The following FUT8 variants were observed in gnomAD, a reference collection of about 807,000 sequenced individuals.
FUT8 encodes fucosyltransferase 8.
A neutral mutation model predicts 71.3 loss-of-function variants in FUT8; 29 were observed. The observed-to-expected ratio is 0.41, with a 90% CI of 0.30 to 0.55. The LOEUF (loss-of-function observed/expected upper bound fraction) is 0.55. Ranked by LOEUF, FUT8 falls within the 20% of genes least tolerant of loss-of-function variation. The probability of loss-of-function intolerance (pLI) is 0.34; values close to 1 mark genes in which losing one functional copy is unlikely to be tolerated. For synonymous variants in FUT8, 254 were observed against 239.3 expected (o/e 1.06, Z -0.57); for missense variants, 544 against 702.1 (o/e 0.77, Z 2.55).
At chr14:65,562,779 C>T (rs1885984228) in intron 3 of FUT8, among the ~76,000 whole-genome samples, 1 of 152,108 alleles carries the variant, frequency 6.6e-6, no homozygotes, top group Non-Finnish European at 1.5e-5. Flanking sequence ...TCCAATTGTA[C>T]AGAAAGCCTT....
chr14:65,509,014 A>T (rs956451713), intron 2 of FUT8, among the ~76,000 whole-genome samples: 3 of 152,074 alleles, frequency 2.0e-5, no homozygotes, highest in African/African-American at 7.2e-5. Flanking sequence ...GATACCCTGG[A>T]GAGTTTCCCC....
At chr14:65,714,427 A>G (rs924671943) in intron 7 of FUT8, among the ~76,000 whole-genome samples, 3 of 64,810 alleles carry the variant, frequency 4.6e-5, no homozygotes, top group Non-Finnish European at 1.2e-4. Flanking sequence ...AATTTTATTT[A>G]TTTATTTATT....
chr14:65,713,972 A>G (rs918742996), intron 7 of FUT8, among the ~76,000 whole-genome samples: 2 of 152,072 alleles, frequency 1.3e-5, no homozygotes, highest in East Asian at 1.9e-4. Flanking sequence ...AGCTTCCCCA[A>G]TGTTTTCTCT....
At chr14:65,419,269 A>G (rs1181324349) in intron 1 of FUT8, among the ~76,000 whole-genome samples, 1 of 152,204 alleles carries the variant, frequency 6.6e-6, no homozygotes, top group Non-Finnish European at 1.5e-5. Flanking sequence ...TCAAAAAACA[A>G]AACAAAACAA....
At chr14:65,709,081 A>C (rs1894693670) in intron 7 of FUT8, among the ~76,000 whole-genome samples, 1 of 152,246 alleles carries the variant, frequency 6.6e-6, no homozygotes, top group Non-Finnish European at 1.5e-5. Context: ...TCTACAACGT[A>C]TATAAATATC....
chr14:65,628,052 C>G (rs1269886388), intron 5 of FUT8, among the ~76,000 whole-genome samples: 1 of 152,000 alleles, frequency 6.6e-6, no homozygotes, highest in Admixed American at 6.6e-5. Flanking sequence ...TCTGGGAAAA[C>G]CTTATGAAGA....
At chr14:65,588,399 C>G (rs1205638271) in intron 3 of FUT8, among the ~76,000 whole-genome samples, 1 of 152,190 alleles carries the variant, frequency 6.6e-6, no homozygotes, top group Non-Finnish European at 1.5e-5. Context: ...TTTATCTCTT[C>G]TTGCTATGGT....
intron 7 of FUT8, among the ~76,000 whole-genome samples, chr14:65,677,763 A>G (rs916746160): frequency 2.6e-5 from 4 of 152,234 alleles, no homozygotes; most frequent in Non-Finnish European, 4.4e-5. Flanking sequence ...GCCATGGGAA[A>G]TATAAAGATG....
intron 6 of FUT8, among the ~76,000 whole-genome samples, chr14:65,667,301 A>G (rs1327876373): frequency 6.6e-6 from 1 of 152,170 alleles, no homozygotes; most frequent in Admixed American, 6.6e-5. Context: ...AAGCTCCTAG[A>G]TCTGACAAAC....
upstream of FUT8, chr14:65,411,000 A>T (rs1333721216): frequency 6.6e-6 from 1 of 152,214 alleles, no homozygotes; most frequent in African/African-American, 2.4e-5. Context: ...CTGACTTCTA[A>T]AAATTATCTA....
At chr14:65,646,545 C>T (rs1463966700) in intron 6 of FUT8, 1 of 152,224 alleles carries the variant, frequency 6.6e-6, no homozygotes, top group Admixed American at 6.5e-5. Context: ...CTCAGATTGA[C>T]CAGCCTACAA....
intron 7 of FUT8, among the ~76,000 whole-genome samples, chr14:65,682,830 T>C (rs1893099513): frequency 6.6e-6 from 1 of 152,194 alleles, no homozygotes; most frequent in Non-Finnish European, 1.5e-5. Flanking sequence ...AGTTATCTTG[T>C]ATTTTTCAAG....
chr14:65,452,947 T>A (rs1287689873), intron 1 of FUT8, among the ~76,000 whole-genome samples: 1 of 152,228 alleles, frequency 6.6e-6, no homozygotes, highest in African/African-American at 2.4e-5. Flanking sequence ...TTTAATGTCC[T>A]AGTCTCCTAA....
chr14:65,455,221 C>G (rs118150450), intron 1 of FUT8, among the ~76,000 whole-genome samples: 1 of 152,064 alleles, frequency 6.6e-6, no homozygotes, highest in Admixed American at 6.5e-5. Flanking sequence ...TGTAGCTAAC[C>G]GAGGTGTCAT....
chr14:65,570,148 T>G (rs1270678819), intron 3 of FUT8, among the ~76,000 whole-genome samples: 1 of 152,028 alleles, frequency 6.6e-6, no homozygotes, highest in Non-Finnish European at 1.5e-5. Context: ...TATGAGAAAT[T>G]TCATTCTGTC....
At chr14:65,458,773 CTTTCT>C (rs568894068) in intron 2 of FUT8, among the ~76,000 whole-genome samples, 77 of 149,154 alleles carry the variant, frequency 5.2e-4, no homozygotes, top group Non-Finnish European at 7.1e-4. Context: ...TTTTCCTTTC[CTTTCT>C]TTTCTTTTCT....
In FUT8 at chr14:65,627,522, C is replaced by T. The variant is rs1010551364; in HGVS notation, c.483-1970C>T. Among the ~76,000 whole-genome samples the T allele has an allele frequency of 1.3e-5, 2 of 152,204 alleles. No individual in the cohort carries two copies. Among genetic ancestry groups the T allele is most frequent in the Non-Finnish European group, 2.9e-5 (2 of 68,044 alleles). On this transcript the variant is annotated intron_variant, in intron 5 of 10. Coordinates refer to ENST00000673929, the MANE Select transcript of FUT8 (RefSeq NM_001371533.1). This position sits in a 1 kb window ranked among gnomAD's most constrained non-coding sequence, Gnocchi z 4.0. ...TGGGCCTGTATATATTGCTATGGTT[C>T]CGGGGTTTGCATTTCTTCTTACCTG... is the stretch of plus-strand genomic sequence containing the variant.
At chr14:65,727,658 T>G (rs1895754748) in intron 9 of FUT8, among the ~76,000 whole-genome samples, 1 of 152,212 alleles carries the variant, frequency 6.6e-6, no homozygotes, top group Non-Finnish European at 1.5e-5. Flanking sequence ...TGACATACCC[T>G]GGAGACATTT....
At chr14:65,481,324 A>G (rs2066327224) in intron 2 of FUT8, among the ~76,000 whole-genome samples, 1 of 151,992 alleles carries the variant, frequency 6.6e-6, no homozygotes, top group Non-Finnish European at 1.5e-5. Flanking sequence ...AGTTTTAGGG[A>G]TACTTTTTAA....
Sources: allele counts gnomAD v4.1 joint callset (sites outside exome capture counted in the v4.1 genomes callset), GRCh38; gene constraint gnomAD v4.1.1; non-coding constraint Gnocchi (gnomAD v3.1); transcripts MANE v1.5; gene names NCBI Gene and HGNC (gene_info 2026-07-23, HGNC 2026-07-21).